The following SMYD2 variants were observed in gnomAD, a reference collection of about 807,000 sequenced individuals.
SMYD2 encodes the protein N-lysine methyltransferase SMYD2.
A neutral mutation model predicts 59.1 loss-of-function variants in SMYD2; 53 were observed. The observed-to-expected ratio is 0.90, with a 90% CI of 0.72 to 1.13. The LOEUF is 1.13. Among genes scored for constraint, SMYD2 ranks in the 50% most tolerant of loss-of-function variants. SMYD2 has a pLI of 0.00. For missense variants in SMYD2, 494 were observed against 544.7 expected (o/e 0.91, Z 0.93); for synonymous variants, 208 against 198.8 (o/e 1.05, Z -0.39).
chr1:214,321,147 C>A (rs1214228667), intron 5 of SMYD2, among the ~76,000 whole-genome samples: 2 of 152,104 alleles, frequency 1.3e-5, no homozygotes, highest in Non-Finnish European at 2.9e-5. Context: ...TCAAGTGACT[C>A]CATCTCACAA....
chr1:214,303,925 T>C (rs1571924274), intron 1 of SMYD2, among the ~76,000 whole-genome samples: 1 of 152,146 alleles, frequency 6.6e-6, no homozygotes, highest in East Asian at 1.9e-4. Flanking sequence ...TTCACCGGGG[T>C]GGGCAAGAGT....
intron 1 of SMYD2, among the ~76,000 whole-genome samples, chr1:214,284,838 G>A (rs951947035): frequency 1.3e-5 from 2 of 152,156 alleles, no homozygotes; most frequent in African/African-American, 2.4e-5. Flanking sequence ...AACCCCCAAT[G>A]TGATTTGTCT....
chr1:214,291,230 C>T (rs1656631068), intron 1 of SMYD2, among the ~76,000 whole-genome samples: 1 of 152,186 alleles, frequency 6.6e-6, no homozygotes, highest in South Asian at 2.1e-4. Flanking sequence ...TTTATTTTAC[C>T]TCCAGTTCCT....
chr1:214,281,495 C>G, intron 1 of SMYD2, 68 bp downstream of exon 1: 18 of 1,238,082 alleles, frequency 1.5e-5, no homozygotes, highest in Non-Finnish European at 1.8e-5. Context: ...TGGACGGCGG[C>G]GCCAGGAAGT....
intron 1 of SMYD2, among the ~76,000 whole-genome samples, chr1:214,288,954 T>TTC (rs1553253932): frequency 6.9e-4 from 104 of 150,658 alleles, no homozygotes; most frequent in East Asian, 6.8e-3. Flanking sequence ...TTTTTTTTTT[T>TTC]CCTTAAGCAA....
intron 3 of SMYD2, among the ~76,000 whole-genome samples, chr1:214,317,631 A>G (rs1056654996): frequency 6.6e-6 from 1 of 152,264 alleles, no homozygotes; most frequent in African/African-American, 2.4e-5. Context: ...GATACAACCA[A>G]AAGTGTTCTT....
Position 214,314,834 on chromosome 1 carries a change from GAGACTGTA to G in SMYD2, c.316_323del (p.Val106AsnfsTer27), listed in dbSNP as rs1657055358. ...TTTTGGGGAAAACTGGAATCCCTCG[GAGACTGTA>G]AGACTAACAGCAAGGATTCTGGCCA... On this transcript the variant is annotated frameshift_variant, in exon 3 of 12. Coordinates refer to ENST00000366957, the MANE Select transcript of SMYD2 (RefSeq NM_020197.3). LOFTEE classifies it high-confidence loss of function. The G allele has an allele frequency of 6.2e-7, 1 of 1,614,094 alleles. No homozygotes were observed. The highest frequency in any genetic ancestry group is 1.3e-5 in the African/African-American group (1 of 75,028).
In SMYD2 at chr1:214,325,126, C is replaced by T. The variant is rs921152710; in HGVS notation, c.602+418C>T. Among the ~76,000 whole-genome samples, 13 of 152,326 alleles carry T rather than the reference C, an allele frequency of 8.5e-5. 1 individual carries two copies. The highest frequency in any genetic ancestry group is 8.5e-4 in the Admixed American group (13 of 15,304). Reference sequence around the variant, plus strand: ...CTATATGAGCTTCTTCTCCATCTGTCCTTTTTGATAAATACCAGTACAGAA... The same window carrying T: ...CTATATGAGCTTCTTCTCCATCTGTTCTTTTTGATAAATACCAGTACAGAA... On this transcript the variant is annotated intron_variant, in intron 6 of 11. Transcript: ENST00000366957.
At chr1:214,303,746 G>A (rs888136673) in intron 1 of SMYD2, among the ~76,000 whole-genome samples, 46 of 152,342 alleles carry the variant, frequency 3.0e-4, no homozygotes, top group South Asian at 4.1e-4. Context: ...ATTCTGCAGC[G>A]TGACAATATG....
At chr1:214,289,451 A>C (rs1213366208) in intron 1 of SMYD2, among the ~76,000 whole-genome samples, 1 of 151,918 alleles carries the variant, frequency 6.6e-6, no homozygotes, top group Admixed American at 6.6e-5. Flanking sequence ...AATTAAATTG[A>C]CTCCCCCCAT....
rs1364152334 is a variant in SMYD2, at chr1:214,314,772, G to A, written c.248G>A (p.Trp83Ter). 1 of 1,613,196 alleles carries A rather than the reference G, an allele frequency of 6.2e-7. No individual in the cohort carries two copies. Among genetic ancestry groups the A allele is most frequent in the Admixed American group, 1.7e-5 (1 of 59,964 alleles). ...YCNVECQKEDWPMHKLECSPM... is the reference protein window; with the variant it reads ...YCNVECQKED ...TTTCAATCTTCCCAGAAAGAAGATT[G>A]GCCCATGCACAAGCTGGAATGTTCT... Residue 83 changes from tryptophan to a stop codon, truncating the protein, a stop_gained, in exon 3 of 12, where the codon TGG becomes TAG. Transcript: ENST00000366957. LOFTEE classifies it high-confidence loss of function.
intron 6 of SMYD2, chr1:214,327,369 G>A (rs1320995856): frequency 4.9e-6 from 2 of 406,462 alleles, no homozygotes; most frequent in Admixed American, 3.8e-5. Context: ...TTGCTGTTGT[G>A]TGTTTTTTGG....
intron 1 of SMYD2, among the ~76,000 whole-genome samples, chr1:214,295,387 A>G (rs1420073922): frequency 7.8e-6 from 1 of 128,282 alleles, no homozygotes; most frequent in African/African-American, 3.1e-5. Context: ...TATATTCATA[A>G]GCTTCATGAA....
At chr1:214,308,965 G>A (rs935495604) in intron 2 of SMYD2, among the ~76,000 whole-genome samples, 5 of 152,140 alleles carry the variant, frequency 3.3e-5, no homozygotes, top group Non-Finnish European at 5.9e-5. Context: ...GGAGAGCTGC[G>A]TCCATTGTTG....
intron 1 of SMYD2, among the ~76,000 whole-genome samples, chr1:214,291,811 C>T (rs926388736): frequency 2.0e-5 from 3 of 151,950 alleles, no homozygotes; most frequent in Non-Finnish European, 4.4e-5. Context: ...TGGCAACATC[C>T]CTATGTTGGT....
chr1:214,314,237 A>G (rs1657044790), intron 2 of SMYD2, among the ~76,000 whole-genome samples: 1 of 152,050 alleles, frequency 6.6e-6, no homozygotes, highest in Non-Finnish European at 1.5e-5. Context: ...GGGAAGTCCT[A>G]ACTATTCCTA....
At chr1:214,323,924 T>C (rs779830998) in intron 5 of SMYD2, among the ~76,000 whole-genome samples, 3 of 152,164 alleles carry the variant, frequency 2.0e-5, no homozygotes, top group Admixed American at 6.5e-5. Flanking sequence ...GAGATGAGCA[T>C]TGGATTGATT....
rs1656761744 is a variant in SMYD2 at position 214,298,004 on chromosome 1, A to G, written c.174-7183A>G. Among the ~76,000 whole-genome samples, 3 of 152,206 alleles carry G rather than the reference A, an allele frequency of 2.0e-5. 1 individual carries two copies. In the South Asian group the frequency reaches 6.2e-4, roughly 32 times the overall value. On this transcript the variant is annotated intron_variant, in intron 1 of 11. Transcript: ENST00000366957. ...AAAGCAATCTACAGATTTCAACACTATTCCTACCAAACTACCAAAGTCATT... is the reference window on the plus strand; with the variant it reads ...AAAGCAATCTACAGATTTCAACACTGTTCCTACCAAACTACCAAAGTCATT...
At chr1:214,314,080 G>A (rs774006213) in intron 2 of SMYD2, among the ~76,000 whole-genome samples, 4 of 152,102 alleles carry the variant, frequency 2.6e-5, no homozygotes, top group Admixed American at 6.5e-5. Context: ...AGGAGGCTGA[G>A]GCAGGAGAAT....
Sources: gnomAD v4.1 joint callset for allele counts (sites outside exome capture counted in the v4.1 genomes callset) on GRCh38, gnomAD v4.1.1 for gene constraint, MANE v1.5 for transcripts, NCBI Gene and HGNC (gene_info 2026-07-23, HGNC 2026-07-21) for gene names.